The following PTPN14 variants were observed in gnomAD, a reference collection of about 807,000 sequenced individuals.
PTPN14 encodes the protein tyrosine-protein phosphatase non-receptor type 14.
Under a neutral mutation model 126.8 loss-of-function variants are expected in PTPN14, and 53 were observed. The ratio of observed to expected loss-of-function variants is 0.42; its 90% CI spans 0.34 to 0.53. The LOEUF (loss-of-function observed/expected upper bound fraction) is 0.53. PTPN14 is among the 20% of genes least tolerant of loss of function. The pLI, the probability that PTPN14 is intolerant of heterozygous loss-of-function variation, is 0.08. For synonymous variants in PTPN14, 630 were observed against 599.3 expected (o/e 1.05, Z -0.75); for missense variants, 1,257 against 1,552.9 (o/e 0.81, Z 3.20).
At chr1:214,443,215 G>A (rs546694318) in intron 3 of PTPN14, among the ~76,000 whole-genome samples, 1 of 152,180 alleles carries the variant, frequency 6.6e-6, no homozygotes, top group African/African-American at 2.4e-5. Context: ...GTACTATGAA[G>A]TAGGCATCTA....
chr1:214,444,358 C>G (rs1304614931), intron 3 of PTPN14, among the ~76,000 whole-genome samples: 1 of 152,146 alleles, frequency 6.6e-6, no homozygotes, highest in Non-Finnish European at 1.5e-5. Context: ...GGAGAATTTG[C>G]TATTCTCAGC....
At chr1:214,413,764 G>A (rs929800635) in intron 4 of PTPN14, among the ~76,000 whole-genome samples, 6 of 152,120 alleles carry the variant, frequency 3.9e-5, no homozygotes, top group Non-Finnish European at 7.4e-5. Context: ...CACCTCCCAC[G>A]TTCAAGCGAT....
At chr1:214,422,625 A>G (rs1659568212) in intron 3 of PTPN14, among the ~76,000 whole-genome samples, 1 of 152,220 alleles carries the variant, frequency 6.6e-6, no homozygotes, top group African/African-American at 2.4e-5. Flanking sequence ...CTTCCTGGTA[A>G]ACGGCCACGT....
intron 5 of PTPN14, among the ~76,000 whole-genome samples, chr1:214,406,468 G>A (rs1434018415): frequency 6.7e-6 from 1 of 149,124 alleles, no homozygotes; most frequent in East Asian, 1.9e-4. Context: ...GTGACAGAGC[G>A]AGATTGTCTG....
intron 1 of PTPN14, among the ~76,000 whole-genome samples, chr1:214,475,016 T>G (rs747955187): frequency 6.6e-6 from 1 of 152,150 alleles, no homozygotes; most frequent in African/African-American, 2.4e-5. Flanking sequence ...TCACGAGGGT[T>G]TGGGAACTGA....
chr1:214,520,499 T>G (rs998565236), intron 1 of PTPN14, among the ~76,000 whole-genome samples: 3 of 152,080 alleles, frequency 2.0e-5, no homozygotes, highest in Admixed American at 1.3e-4. Flanking sequence ...AAAACAGAAT[T>G]TAAATACTTC....
intron 1 of PTPN14, among the ~76,000 whole-genome samples, chr1:214,469,685 A>T (rs903032859): frequency 6.6e-6 from 1 of 152,024 alleles, no homozygotes; most frequent in Admixed American, 6.6e-5. Context: ...AGAAAGGTCC[A>T]TTAAAAATAA....
chr1:214,358,057 G>C lies in PTPN14; in HGVS notation c.3436-7C>G. On this transcript the variant is annotated splice_polypyrimidine_tract_variant and splice_region_variant and intron_variant, in intron 18 of 18. Transcript: ENST00000366956. ...TCATGGGCACTTCCACCTTCTGCAA[G>C]AAAAGAGAGAAAGCACAAGGTCCTG... 5.0e-6 allele frequency: 8 copies of C among 1,612,324 alleles called. No individual in the cohort carries two copies. Among genetic ancestry groups the C allele is most frequent in the Non-Finnish European group, 6.8e-6 (8 of 1,179,558 alleles).
In PTPN14 at chr1:214,551,593, A is replaced by C; in HGVS notation, c.-565T>G. 1 of 152,204 alleles carries C rather than the reference A, an allele frequency of 6.6e-6. No individual in the cohort carries two copies. The highest frequency in any genetic ancestry group is 3.2e-3 in the Middle Eastern group (1 of 314). 9.4% of individuals were successfully genotyped at this position (152,204 alleles called of 1,614,324 possible). ...CGCTGCGCTCACTCCGCCGAGAAAA[A>C]GTTGGAAAGAACTTTGAGGGGCCGG... is the stretch of plus-strand genomic sequence containing the variant. On this transcript the variant is annotated 5_prime_UTR_variant, in exon 1 of 19. Coordinates refer to ENST00000366956, the MANE Select transcript of PTPN14 (RefSeq NM_005401.5).
chr1:214,522,088 C>T (rs1040070841), intron 1 of PTPN14, among the ~76,000 whole-genome samples: 4 of 151,632 alleles, frequency 2.6e-5, no homozygotes, highest in African/African-American at 7.3e-5. Context: ...AGGTGTGCAC[C>T]GTCACACCCG....
At position 214,350,150 on chromosome 1, in the gene PTPN14, C is replaced by G. The variant is rs1266004798; in HGVS notation, c.*7772G>C. 1 of 152,174 alleles carries G rather than the reference C, an allele frequency of 6.6e-6. No homozygotes were observed. Among genetic ancestry groups the G allele is most frequent in the Non-Finnish European group, 1.5e-5 (1 of 68,042 alleles). 9.4% of individuals were successfully genotyped at this position (152,174 alleles called of 1,614,324 possible). On this transcript the variant is annotated 3_prime_UTR_variant, in exon 19 of 19. Coordinates refer to ENST00000366956, the MANE Select transcript of PTPN14 (RefSeq NM_005401.5). ...GCTTACATACAGATTTTGGATGACC[C>G]GCTAATCTTTCCCCTTCCTAGGTAA...
intron 1 of PTPN14, among the ~76,000 whole-genome samples, chr1:214,510,659 T>G (rs74589309): frequency 0.02 from 3,061 of 152,308 alleles, 101 homozygotes; most frequent in African/African-American, 0.07. Flanking sequence ...CCAAAAAGTT[T>G]AATCAGCTTC....
intron 1 of PTPN14, among the ~76,000 whole-genome samples, chr1:214,495,717 G>A (rs114354237): frequency 0.055 from 8,304 of 151,292 alleles, 261 homozygotes; most frequent in South Asian, 0.15. Context: ...ACTTCGCAAC[G>A]GAAATTCGCT....
intron 3 of PTPN14, among the ~76,000 whole-genome samples, chr1:214,435,387 T>C (rs895623352): frequency 3.9e-5 from 6 of 152,154 alleles, no homozygotes; most frequent in African/African-American, 1.4e-4. Context: ...ATTCTAGTTA[T>C]AATTATGTTA....
intron 1 of PTPN14, among the ~76,000 whole-genome samples, chr1:214,537,836 A>T (rs1655743797): frequency 6.6e-6 from 1 of 152,240 alleles, no homozygotes; most frequent in South Asian, 2.1e-4. Flanking sequence ...AATGCAAGCC[A>T]CCTATGTAAT....
intron 1 of PTPN14, among the ~76,000 whole-genome samples, chr1:214,542,115 A>G (rs73079759): frequency 0.053 from 8,102 of 152,156 alleles, 456 homozygotes; most frequent in African/African-American, 0.15. Context: ...ACACACACAT[A>G]TATATGTATG....
chr1:214,364,766 A>AGTGT lies in PTPN14; in HGVS notation c.3272-95_3272-92dup, dbSNP rs57429060. 49,631 of 584,218 alleles carry AGTGT rather than the reference A, an allele frequency of 0.085. 1,005 individuals are homozygous for AGTGT. Among genetic ancestry groups the AGTGT allele is most frequent in the African/African-American group, 0.16 (7,230 of 44,652 alleles). The allele number at this position is 584,218 out of a possible 1,614,324, so 36.2% of individuals were successfully genotyped here. On this transcript the variant is annotated intron_variant, in intron 17 of 18. Coordinates refer to ENST00000366956, the MANE Select transcript of PTPN14 (RefSeq NM_005401.5). The surrounding 1 kb of genome is among the most constrained non-coding windows in gnomAD (Gnocchi z 4.1). ...GGGGAGCGGAAGAGAACTGATGGTG[A>AGTGT]GTGTGTGTGTGTGTGTGTGTGTGTG...
intron 3 of PTPN14, among the ~76,000 whole-genome samples, chr1:214,435,257 T>C (rs1363550332): frequency 8.7e-5 from 13 of 150,026 alleles, no homozygotes; most frequent in East Asian, 1.9e-4. Flanking sequence ...TGTGTGTGCG[T>C]GTGTGTGTGT....
chr1:214,364,378 C>A lies in PTPN14; in HGVS notation c.3435+134G>T, dbSNP rs990142271. 1.6e-4 allele frequency: 195 copies of A among 1,184,384 alleles called. No individual in the cohort carries two copies. The highest frequency in any genetic ancestry group is 6.0e-4 in the South Asian group (39 of 64,834). 73.4% of individuals were successfully genotyped at this position (1,184,384 alleles called of 1,614,324 possible). ...TAAATGTCAGAGTCAAACTAGGAACCAGGAGCCTGGAAAACTCTGGTTGGG... is the reference window on the plus strand; with the variant it reads ...TAAATGTCAGAGTCAAACTAGGAACAAGGAGCCTGGAAAACTCTGGTTGGG... On this transcript the variant is annotated intron_variant, in intron 18 of 18. Coordinates refer to ENST00000366956, the MANE Select transcript of PTPN14 (RefSeq NM_005401.5). This position sits in a 1 kb window ranked among gnomAD's most constrained non-coding sequence, Gnocchi z 4.1.
Sources: gnomAD v4.1 joint callset for allele counts (sites outside exome capture counted in the v4.1 genomes callset) on GRCh38, gnomAD v4.1.1 for gene constraint, Gnocchi (gnomAD v3.1) non-coding constraint, MANE v1.5 for transcripts, NCBI Gene and HGNC (gene_info 2026-07-23, HGNC 2026-07-21) for gene names.